SLC9A1: variants seen among roughly 807,000 people sequenced by gnomAD.
SLC9A1 encodes solute carrier family 9 member A1, also known as sodium/hydrogen exchanger 1.
SLC9A1 carries 22 observed loss-of-function variants against 67.9 expected under a neutral mutation model. That is an observed-to-expected ratio of 0.32 (90% CI 0.23 to 0.46). The LOEUF (loss-of-function observed/expected upper bound fraction) is 0.46, where lower values mean the gene tolerates loss of function less well. Among genes scored for constraint, SLC9A1 ranks in the 20% least tolerant of loss-of-function variants. The pLI, the probability that SLC9A1 is intolerant of heterozygous loss-of-function variation, is 1.00. For missense variants in SLC9A1, 686 were observed against 1,094.8 expected, an observed-to-expected ratio of 0.63 and a Z score of 5.27; for synonymous variants, 421 against 471.8, an observed-to-expected ratio of 0.89 and a Z score of 1.40.
At chr1:27,147,610 C>T (rs1210318171) in intron 1 of SLC9A1, among the ~76,000 whole-genome samples, 1 of 152,050 alleles carries the variant, frequency 6.6e-6, no homozygotes, top group Non-Finnish European at 1.5e-5. Context: ...CAAAACCAGC[C>T]TGGACAACAA....
At chr1:27,103,075 G>A (rs1570843739) in intron 6 of SLC9A1, 148 bp downstream of exon 6, 1 of 682,916 alleles carries the variant, frequency 1.5e-6, no homozygotes. Flanking sequence ...CCTATGGCTA[G>A]ACCCTGGCGG....
intron 1 of SLC9A1, among the ~76,000 whole-genome samples, chr1:27,124,882 G>A (rs2083330681): frequency 6.6e-6 from 1 of 152,122 alleles, no homozygotes; most frequent in African/African-American, 2.4e-5. Context: ...CCTTCCCAGA[G>A]GTGGGGGCAT....
Position 27,099,516 on chromosome 1 carries a change from T to C in SLC9A1, c.*791A>G, listed in dbSNP as rs2083123580. ...TGTTCAGCCAGGGGTTTTCAAAATGTTTTAAAAACAGGAGCGCCCTCTGTG... is the reference window on the plus strand; with the variant it reads ...TGTTCAGCCAGGGGTTTTCAAAATGCTTTAAAAACAGGAGCGCCCTCTGTG... On this transcript the variant is annotated 3_prime_UTR_variant, in exon 12 of 12. Transcript: ENST00000263980. 6.6e-6 allele frequency: 1 copy of C among 152,600 alleles called. No individual in the cohort carries two copies. Among genetic ancestry groups the C allele is most frequent in the Non-Finnish European group, 1.5e-5 (1 of 68,076 alleles). 9.5% of individuals were successfully genotyped at this position (152,600 alleles called of 1,614,324 possible).
chr1:27,110,660 C>T (rs2083221823), intron 2 of SLC9A1, among the ~76,000 whole-genome samples: 1 of 152,234 alleles, frequency 6.6e-6, no homozygotes, highest in Non-Finnish European at 1.5e-5. Flanking sequence ...AACCGAGGCT[C>T]ACAGTGGTAA....
In SLC9A1 at chr1:27,102,078, T is replaced by C; in HGVS notation, c.1873A>G (p.Lys625Glu). 3 of 1,614,046 alleles carry C rather than the reference T, an allele frequency of 1.9e-6. No individual in the cohort carries two copies. The highest frequency in any genetic ancestry group is 1.1e-5 in the South Asian group (1 of 91,084). The change falls in exon 9 of 12, where the codon AAG (lysine) becomes GAG (glutamate). Residue 625 changes from lysine (K) to glutamate (E), a missense_variant. Physicochemically the swap from Lys to Glu is moderately conservative, Grantham distance 56. This residue lies in a region of SLC9A1 where 226 missense variants were observed against 282.4 expected (regional missense o/e 0.80). Coordinates refer to ENST00000263980, the MANE Select transcript of SLC9A1 (RefSeq NM_003047.5). ...TTGCGGATCTCCTCCTCCTTGTCCT[T>C]GGACAGTGCTGGCAGGATGCGCTCG... ...PSERILPALS[K>E]DKEEEIRKIL...
chr1:27,107,759 C>T lies in SLC9A1; in HGVS notation c.1171G>A (p.Glu391Lys). The change falls in exon 4 of 12, where the codon GAG (glutamate) becomes AAG (lysine). Residue 391 changes from glutamate to lysine, a missense_variant. Physicochemically the swap from Glu to Lys is moderately conservative, Grantham distance 56. Transcript: ENST00000263980. ...CCGAGGAAGATGAAGATGAGGGTCT[C>T]GCTGACGCTGCTCCACATCTTCAGG... ...YFLKMWSSVSETLIFIFLGVS... is the reference protein window; with the variant it reads ...YFLKMWSSVSKTLIFIFLGVS... The T allele has an allele frequency of 1.9e-6, 3 of 1,599,514 alleles. No homozygotes were observed. Among genetic ancestry groups the T allele is most frequent in the Non-Finnish European group, 2.6e-6 (3 of 1,173,692 alleles).
In SLC9A1 at chr1:27,101,907, G is replaced by C; in HGVS notation, c.1936-81C>G. On this transcript the variant is annotated intron_variant, in intron 9 of 11. Transcript: ENST00000263980. The surrounding 1 kb of genome is among the most constrained non-coding windows in gnomAD (Gnocchi z 4.9). ...GGGGTGGGGGCAGTGCTGGAGGCCGGGCCAGTCCTGGGGTGGGTGCCGAGG... is the reference window on the plus strand; with the variant it reads ...GGGGTGGGGGCAGTGCTGGAGGCCGCGCCAGTCCTGGGGTGGGTGCCGAGG... 1 of 1,426,760 alleles carries C rather than the reference G, an allele frequency of 7.0e-7. No homozygotes were observed. Among genetic ancestry groups the C allele is most frequent in the Non-Finnish European group, 9.9e-7 (1 of 1,014,742 alleles). The allele number at this position is 1,426,760 out of a possible 1,614,324, so 88.4% of individuals were successfully genotyped here.
chr1:27,135,419 T>G (rs916642394), intron 1 of SLC9A1, among the ~76,000 whole-genome samples: 1 of 151,320 alleles, frequency 6.6e-6, no homozygotes, highest in Non-Finnish European at 1.5e-5. Context: ...CTATTCAGAG[T>G]GCTCGGCCCG....
intron 1 of SLC9A1, among the ~76,000 whole-genome samples, chr1:27,147,111 AAAAC>A (rs147266205): frequency 9.1e-4 from 137 of 150,500 alleles, no homozygotes; most frequent in Middle Eastern, 3.4e-3. Context: ...GTCTCTACTA[AAAAC>A]AAACAAACAA....
At chr1:27,121,284 G>A (rs2083302783) in intron 1 of SLC9A1, among the ~76,000 whole-genome samples, 1 of 152,140 alleles carries the variant, frequency 6.6e-6, no homozygotes, top group African/African-American at 2.4e-5. Context: ...AAAGCTGTCA[G>A]AAAACACAAG....
chr1:27,139,958 A>G (rs2124200595), intron 1 of SLC9A1, among the ~76,000 whole-genome samples: 1 of 151,968 alleles, frequency 6.6e-6, no homozygotes, highest in African/African-American at 2.4e-5. Context: ...ACACCTGGCT[A>G]ATTTTTGTAT....
intron 1 of SLC9A1, among the ~76,000 whole-genome samples, chr1:27,120,600 T>C (rs933973302): frequency 6.6e-6 from 1 of 151,502 alleles, no homozygotes; most frequent in African/African-American, 2.4e-5. Flanking sequence ...TAGCCAGGTG[T>C]GGTGGCAGGC....
rs952782624 is a variant in SLC9A1, at chr1:27,155,096, C to A, written c.-762G>T. On this transcript the variant is annotated 5_prime_UTR_variant, in exon 1 of 12. Coordinates refer to ENST00000263980, the MANE Select transcript of SLC9A1 (RefSeq NM_003047.5). The surrounding 1 kb of genome is among the most constrained non-coding windows in gnomAD (Gnocchi z 4.5). ...CCTCCTGGTCCAGCTCCAGAACTAACCCTAGCCCCGGCCCCGGCGGCAGCA... is the reference window on the plus strand; with the variant it reads ...CCTCCTGGTCCAGCTCCAGAACTAAACCTAGCCCCGGCCCCGGCGGCAGCA... Among the ~76,000 whole-genome samples, 3 of 152,062 alleles carry A rather than the reference C, an allele frequency of 2.0e-5. No individual in the cohort carries two copies. Among genetic ancestry groups the A allele is most frequent in the Admixed American group, 6.5e-5 (1 of 15,268 alleles).
rs757837177 is a variant in SLC9A1, at chr1:27,143,719, T to C, written c.352+10264A>G. On this transcript the variant is annotated intron_variant, in intron 1 of 11. Transcript: ENST00000263980. Reference sequence around the variant, plus strand: ...AAACTAAGGCCCAGGAAGGCAAACATAGCTTAGCAAAGGTCAATATGCAGG... The same window carrying C: ...AAACTAAGGCCCAGGAAGGCAAACACAGCTTAGCAAAGGTCAATATGCAGG... Among the ~76,000 whole-genome samples, 38 of 152,190 alleles carry C rather than the reference T, an allele frequency of 2.5e-4. No individual in the cohort carries two copies. The Middle Eastern group carries it at 0.014, about 54-fold the overall frequency.
intron 1 of SLC9A1, among the ~76,000 whole-genome samples, chr1:27,139,113 TCTCA>T (rs1230285435): frequency 5.9e-5 from 9 of 152,098 alleles, no homozygotes; most frequent in Non-Finnish European, 1.2e-4. Flanking sequence ...CTGTCTTATT[TCTCA>T]CTGACTCCTC....
intron 1 of SLC9A1, among the ~76,000 whole-genome samples, chr1:27,121,304 C>G (rs184251669): frequency 6.6e-6 from 1 of 152,292 alleles, no homozygotes; most frequent in African/African-American, 2.4e-5. Context: ...GCAGCATACA[C>G]TGGACTATCT....
chr1:27,100,678 C>T lies in SLC9A1; in HGVS notation c.2111-34G>A, dbSNP rs374596916. 27 of 1,549,402 alleles carry T rather than the reference C, an allele frequency of 1.7e-5. No homozygotes were observed. Among genetic ancestry groups the T allele is most frequent in the South Asian group, 1.2e-4 (10 of 82,926 alleles). On this transcript the variant is annotated intron_variant, in intron 11 of 11. Transcript: ENST00000263980. This position sits in a 1 kb window ranked among gnomAD's most constrained non-coding sequence, Gnocchi z 5.6. ...CAAGAGCAAGGCACAAGCTGGGTTC[C>T]GCTCTGGAGCCCGGCCCAGCACGTG...
chr1:27,104,669 G>A lies in SLC9A1; in HGVS notation c.1485+1216C>T, dbSNP rs183931400. Among the ~76,000 whole-genome samples, 252 of 152,222 alleles carry A rather than the reference G, an allele frequency of 1.7e-3. 1 individual carries two copies. The highest frequency in any genetic ancestry group is 6.8e-3 in the Middle Eastern group (2 of 292). Reference sequence around the variant, plus strand: ...CTCCCAAAGTCCTGGGATCATAGGCGTGAGCCACTGCACCAGGGTCCCCTC... The same window carrying A: ...CTCCCAAAGTCCTGGGATCATAGGCATGAGCCACTGCACCAGGGTCCCCTC... On this transcript the variant is annotated intron_variant, in intron 5 of 11. Coordinates refer to ENST00000263980, the MANE Select transcript of SLC9A1 (RefSeq NM_003047.5).
chr1:27,113,687 G>A, intron 2 of SLC9A1, 139 bp downstream of exon 2: 2 of 687,866 alleles, frequency 2.9e-6, no homozygotes, highest in Non-Finnish European at 5.0e-6. Context: ...GGCTCAGCAT[G>A]GTGCCTGGCA....
Sources: allele counts gnomAD v4.1 joint callset (sites outside exome capture counted in the v4.1 genomes callset), GRCh38; gene constraint gnomAD v4.1.1; regional missense constraint gnomAD v4.1.1; non-coding constraint Gnocchi (gnomAD v3.1); transcripts MANE v1.5; gene names NCBI Gene and HGNC (gene_info 2026-07-23, HGNC 2026-07-21).